OPCML: variants seen among roughly 807,000 people sequenced by gnomAD.
OPCML encodes opioid binding protein/cell adhesion molecule like, also known as opioid-binding protein/cell adhesion molecule.
OPCML carries 13 observed loss-of-function variants against 37.8 expected under a neutral mutation model. That is an observed-to-expected ratio of 0.34 (90% CI 0.22 to 0.55). OPCML has a LOEUF of 0.55. Among genes scored for constraint, OPCML ranks in the 20% least tolerant of loss-of-function variants. The pLI, the probability that OPCML is intolerant of heterozygous loss-of-function variation, is 0.91. For missense variants in OPCML, 341 were observed against 435.6 expected, an observed-to-expected ratio of 0.78 and a Z score of 1.93; for synonymous variants, 176 against 168.8, an observed-to-expected ratio of 1.04 and a Z score of -0.33.
chr11:133,271,728 T>C (rs934416724), intron 1 of OPCML, among the ~76,000 whole-genome samples: 1 of 152,222 alleles, frequency 6.6e-6, no homozygotes, highest in Non-Finnish European at 1.5e-5. Context: ...CAAAAACTAC[T>C]ACAAATATAA....
At chr11:133,121,092 T>C (rs1323507541) in intron 1 of OPCML, among the ~76,000 whole-genome samples, 3 of 152,064 alleles carry the variant, frequency 2.0e-5, no homozygotes, top group Non-Finnish European at 4.4e-5. Flanking sequence ...CTGGCTAATT[T>C]TTATATTTTT....
intron 1 of OPCML, among the ~76,000 whole-genome samples, chr11:133,036,168 G>C (rs962599984): frequency 6.6e-6 from 1 of 152,172 alleles, no homozygotes; most frequent in African/African-American, 2.4e-5. Flanking sequence ...TCCAGAAGTG[G>C]CTACTGGACA....
At chr11:132,762,545 A>G (rs895048427) in intron 2 of OPCML, among the ~76,000 whole-genome samples, 2 of 152,200 alleles carry the variant, frequency 1.3e-5, no homozygotes, top group African/African-American at 4.8e-5. Context: ...GTCTGGCTAC[A>G]GCGACTTTGC....
chr11:133,074,332 C>A (rs1375987497), intron 1 of OPCML, among the ~76,000 whole-genome samples: 1 of 152,172 alleles, frequency 6.6e-6, no homozygotes, highest in Non-Finnish European at 1.5e-5. Context: ...AAAGTCCTTC[C>A]CAAGTAAGAA....
chr11:132,765,151 CTG>C (rs970045061), intron 2 of OPCML, among the ~76,000 whole-genome samples: 2 of 152,132 alleles, frequency 1.3e-5, no homozygotes, highest in African/African-American at 4.8e-5. Context: ...TCTGACAAGA[CTG>C]TACGGCTCTA....
chr11:132,596,095 T>C (rs2096492010), intron 3 of OPCML, among the ~76,000 whole-genome samples: 1 of 152,182 alleles, frequency 6.6e-6, no homozygotes, highest in Non-Finnish European at 1.5e-5. Flanking sequence ...TCCCAGAGAT[T>C]GGATTTTCAC....
intron 2 of OPCML, among the ~76,000 whole-genome samples, chr11:132,839,164 T>G (rs1295057581): frequency 6.6e-6 from 1 of 152,134 alleles, no homozygotes; most frequent in Admixed American, 6.5e-5. Flanking sequence ...ATCACCTTCA[T>G]AGCCTTAGAA....
rs142778590 is a variant in OPCML at position 132,686,803 on chromosome 11, C to T, written c.147-29484G>A. On this transcript the variant is annotated intron_variant, in intron 2 of 7. Transcript: ENST00000524381. ...TTCGAATGCCCTATTCTGGACACATCACCCACAGATCCCCCAGGAGTGTTT... is the reference window on the plus strand; with the variant it reads ...TTCGAATGCCCTATTCTGGACACATTACCCACAGATCCCCCAGGAGTGTTT... 4.6e-3 allele frequency among the ~76,000 whole-genome samples: 696 copies of T among 152,294 alleles called. 3 individuals carry two copies. The highest frequency in any genetic ancestry group is 8.5e-3 in the Non-Finnish European group (577 of 68,034).
chr11:132,483,665 T>A (rs1183434894), intron 4 of OPCML, among the ~76,000 whole-genome samples: 1 of 152,092 alleles, frequency 6.6e-6, no homozygotes, highest in African/African-American at 2.4e-5. Context: ...GACTTCAAAC[T>A]ATACTACAAG....
intron 2 of OPCML, among the ~76,000 whole-genome samples, chr11:132,801,929 C>G (rs1029401900): frequency 2.0e-5 from 3 of 152,140 alleles, no homozygotes; most frequent in Admixed American, 6.5e-5. Context: ...GTTTCTGAGG[C>G]ATTTCAAAAC....
intron 1 of OPCML, chr11:133,301,804 C>T (rs1052049251): frequency 1.3e-5 from 2 of 151,910 alleles, no homozygotes; most frequent in African/African-American, 2.4e-5. Context: ...TGAACATATA[C>T]AAGATAGTAT....
intron 3 of OPCML, among the ~76,000 whole-genome samples, chr11:132,643,365 G>A (rs983749442): frequency 2.6e-5 from 4 of 152,206 alleles, no homozygotes; most frequent in African/African-American, 7.2e-5. Context: ...CCTGGGGAGT[G>A]TGCCATTTGC....
intron 2 of OPCML, among the ~76,000 whole-genome samples, chr11:132,863,591 A>G (rs949643038): frequency 1.3e-5 from 2 of 152,182 alleles, no homozygotes; most frequent in African/African-American, 4.8e-5. Context: ...AGGTCACTGA[A>G]GTCAGAACAC....
chr11:133,261,079 C>T (rs1941480735), intron 1 of OPCML, among the ~76,000 whole-genome samples: 1 of 152,194 alleles, frequency 6.6e-6, no homozygotes, highest in South Asian at 2.1e-4. Flanking sequence ...AACAAGTGCT[C>T]AGAAACTATC....
intron 1 of OPCML, among the ~76,000 whole-genome samples, chr11:133,200,325 T>C (rs951666578): frequency 1.3e-5 from 2 of 152,038 alleles, no homozygotes; most frequent in African/African-American, 4.8e-5. Flanking sequence ...AGTGGTTTAT[T>C]TGGGGGCAGA....
intron 3 of OPCML, among the ~76,000 whole-genome samples, chr11:132,541,679 G>A (rs1407706980): frequency 1.3e-5 from 2 of 152,190 alleles, no homozygotes; most frequent in South Asian, 2.1e-4. Context: ...ACTAGAAGCA[G>A]AGAGGGGTTA....
intron 2 of OPCML, among the ~76,000 whole-genome samples, chr11:132,812,386 TA>T (rs1939397828): frequency 6.6e-6 from 1 of 150,890 alleles, no homozygotes; most frequent in Non-Finnish European, 1.5e-5. Flanking sequence ...TAACCTACCC[TA>T]CAGAGGAAGA....
At chr11:133,453,217 TC>T (rs1946612754) in intron 1 of OPCML, among the ~76,000 whole-genome samples, 1 of 152,214 alleles carries the variant, frequency 6.6e-6, no homozygotes, top group African/African-American at 2.4e-5. Flanking sequence ...ATAAATCTTC[TC>T]CCATGAAGCC....
intron 1 of OPCML, among the ~76,000 whole-genome samples, chr11:133,226,643 A>G (rs947017646): frequency 8.5e-5 from 13 of 152,212 alleles, no homozygotes; most frequent in Non-Finnish European, 2.9e-5. Context: ...ATTAAATGGC[A>G]AGCAAGCCCC....
Sources: gnomAD v4.1 joint callset for allele counts (sites outside exome capture counted in the v4.1 genomes callset) on GRCh38, gnomAD v4.1.1 for gene constraint, MANE v1.5 for transcripts, NCBI Gene and HGNC (gene_info 2026-07-23, HGNC 2026-07-21) for gene names.